The following SEMA6D variants were observed in gnomAD, a reference collection of about 807,000 sequenced individuals.
SEMA6D encodes the protein semaphorin 6D.
In SEMA6D, 35 loss-of-function variants were observed where a neutral mutation model predicts 106.6. That is an observed-to-expected ratio of 0.33 (90% CI 0.25 to 0.44). The LOEUF (loss-of-function observed/expected upper bound fraction) is 0.44, where lower values mean the gene tolerates loss of function less well. Ranked by LOEUF, SEMA6D falls within the 20% of genes least tolerant of loss-of-function variation. The pLI is 1.00. For missense variants in SEMA6D, 1,185 were observed against 1,345.9 expected (o/e 0.88, Z 1.87); for synonymous variants, 499 against 487.7 (o/e 1.02, Z -0.31).
At chr15:47,718,677 C>CG (rs2079234681) in intron 1 of SEMA6D, 1 of 152,370 alleles carries the variant, frequency 6.6e-6, no homozygotes, top group African/African-American at 2.4e-5. Context: ...GCGTCTTGGA[C>CG]AGGGTCTCCG....
In SEMA6D at chr15:47,258,953, A is replaced by G. The variant is rs530039497; in HGVS notation, c.-239+74535A>G. 2.0e-5 allele frequency among the ~76,000 whole-genome samples: 3 copies of G among 150,598 alleles called. No homozygotes were observed. The South Asian group carries it at 6.3e-4, about 32-fold the overall frequency. On this transcript the variant is annotated intron_variant, in intron 1 of 19. Transcript: ENST00000558014. ...TTACTTAACACTTTTTAAGAATTTC[A>G]TCTTTATTTATTTAATGTTTTTGAG... is the stretch of plus-strand genomic sequence containing the variant.
In SEMA6D at chr15:47,566,713, C is replaced by T. The variant is rs182949754; in HGVS notation, c.-86-34152C>T. Among the ~76,000 whole-genome samples the T allele has an allele frequency of 7.0e-4, 107 of 152,308 alleles. No homozygotes were observed. The Middle Eastern group carries it at 0.031, about 44-fold the overall frequency. ...CATTTAACCGTCCCCAACCGGAGTT[C>T]CACATATGGAAAGGGCAATGAATAC... On this transcript the variant is annotated intron_variant, in intron 3 of 19. Transcript: ENST00000558014.
intron 17 of SEMA6D, among the ~76,000 whole-genome samples, chr15:47,767,738 C>T (rs548794139): frequency 2.9e-4 from 44 of 152,206 alleles, no homozygotes; most frequent in Admixed American, 9.8e-4. Flanking sequence ...AGCTTAAAAG[C>T]GTAGGCTTAC....
chr15:47,483,649 T>G (rs2043216105), intron 3 of SEMA6D, among the ~76,000 whole-genome samples: 1 of 152,146 alleles, frequency 6.6e-6, no homozygotes, highest in South Asian at 2.1e-4. Context: ...GTTGAAGGTT[T>G]AAACCTACTC....
chr15:47,307,123 T>C (rs980289689), intron 1 of SEMA6D, among the ~76,000 whole-genome samples: 1 of 152,234 alleles, frequency 6.6e-6, no homozygotes, highest in Non-Finnish European at 1.5e-5. Context: ...TTTATCTTAT[T>C]GGGCTGTTGT....
intron 1 of SEMA6D, among the ~76,000 whole-genome samples, chr15:47,341,387 C>CA (rs896225392): frequency 6.6e-6 from 1 of 151,940 alleles, no homozygotes; most frequent in African/African-American, 2.4e-5. Context: ...AAGACTGTCT[C>CA]AAAAAACAAA....
At chr15:47,322,451 C>G (rs532757343) in intron 1 of SEMA6D, among the ~76,000 whole-genome samples, 3 of 152,006 alleles carry the variant, frequency 2.0e-5, no homozygotes, top group Non-Finnish European at 4.4e-5. Context: ...TGTACAATAT[C>G]TATCAATTTA....
chr15:47,399,184 A>C (rs1221942620), intron 1 of SEMA6D, among the ~76,000 whole-genome samples: 1 of 152,008 alleles, frequency 6.6e-6, no homozygotes, highest in Non-Finnish European at 1.5e-5. Flanking sequence ...CATTTTGGAG[A>C]TAAAAAACAA....
At chr15:47,655,375 T>G (rs2077771298) in intron 4 of SEMA6D, among the ~76,000 whole-genome samples, 1 of 152,212 alleles carries the variant, frequency 6.6e-6, no homozygotes, top group Non-Finnish European at 1.5e-5. Context: ...AGGACTGTTG[T>G]CATAATTTCT....
chr15:47,584,510 A>C (rs2076304593), intron 3 of SEMA6D, among the ~76,000 whole-genome samples: 1 of 152,036 alleles, frequency 6.6e-6, no homozygotes, highest in Admixed American at 6.5e-5. Context: ...TGCCTGATTT[A>C]TTCAGCCCCT....
intron 1 of SEMA6D, among the ~76,000 whole-genome samples, chr15:47,758,602 G>A (rs2081898408): frequency 6.6e-6 from 1 of 152,086 alleles, no homozygotes; most frequent in African/African-American, 2.4e-5. Flanking sequence ...TTAATGCTGT[G>A]TTTTGATAGC....
At chr15:47,249,132 GC>G (rs1269483550) in intron 1 of SEMA6D, among the ~76,000 whole-genome samples, 1 of 152,158 alleles carries the variant, frequency 6.6e-6, no homozygotes, top group East Asian at 1.9e-4. Flanking sequence ...GGTGGCTGAG[GC>G]AGGAGAATCG....
At chr15:47,632,653 C>T (rs2077313802) in intron 4 of SEMA6D, among the ~76,000 whole-genome samples, 1 of 151,794 alleles carries the variant, frequency 6.6e-6, no homozygotes, top group South Asian at 2.1e-4. Context: ...TTTCAACCTT[C>T]CTATATTATT....
Position 47,527,042 on chromosome 15 carries a change from C to T in SEMA6D, c.-87+56497C>T, listed in dbSNP as rs545124482. On this transcript the variant is annotated intron_variant, in intron 3 of 19. Coordinates refer to the SEMA6D transcript ENST00000558014. ...GTGAGCCACTGCACCCGGCCTGAAC[C>T]AGTAATTCTTAATTGGGTGGTCCTT... 7.1e-4 allele frequency among the ~76,000 whole-genome samples: 108 copies of T among 152,204 alleles called. 1 individual carries two copies. The highest frequency in any genetic ancestry group is 2.1e-4 in the South Asian group (1 of 4,822).
intron 1 of SEMA6D, among the ~76,000 whole-genome samples, chr15:47,311,221 C>G (rs2036436787): frequency 1.3e-5 from 2 of 152,166 alleles, no homozygotes; most frequent in South Asian, 2.1e-4. Flanking sequence ...ATTATATGCT[C>G]TCTTCCATAA....
At chr15:47,522,566 A>G (rs1019448307) in intron 3 of SEMA6D, among the ~76,000 whole-genome samples, 6 of 152,294 alleles carry the variant, frequency 3.9e-5, no homozygotes, top group African/African-American at 1.4e-4. Context: ...AGAGTTTTTA[A>G]TGTTTTATTT....
intron 1 of SEMA6D, among the ~76,000 whole-genome samples, chr15:47,215,979 A>G (rs1372401130): frequency 6.6e-6 from 1 of 152,130 alleles, no homozygotes; most frequent in Non-Finnish European, 1.5e-5. Context: ...GACAACTGGC[A>G]TTTTCCTCAC....
chr15:47,255,893 A>T (rs946040626), intron 1 of SEMA6D, among the ~76,000 whole-genome samples: 6 of 152,170 alleles, frequency 3.9e-5, no homozygotes, highest in Non-Finnish European at 7.4e-5. Flanking sequence ...TTGAGGTTCA[A>T]AATGAACCTG....
intron 2 of SEMA6D, among the ~76,000 whole-genome samples, chr15:47,433,368 T>C (rs1385132168): frequency 6.6e-6 from 1 of 151,806 alleles, no homozygotes; most frequent in Non-Finnish European, 1.5e-5. Flanking sequence ...TATATCCAAG[T>C]ATGCCATTAT....
Sources: gnomAD v4.1 joint callset for allele counts (sites outside exome capture counted in the v4.1 genomes callset) on GRCh38, gnomAD v4.1.1 for gene constraint, MANE v1.5 for transcripts, NCBI Gene and HGNC (gene_info 2026-07-23, HGNC 2026-07-21) for gene names.